FECH: variants seen among roughly 807,000 people sequenced by gnomAD.
FECH encodes ferrochelatase, also known as ferrochelatase, mitochondrial.
In FECH, 40 loss-of-function variants were observed where a neutral mutation model predicts 56.9. That is an observed-to-expected ratio of 0.70 (90% CI 0.55 to 0.92). The LOEUF (loss-of-function observed/expected upper bound fraction) is 0.92, where lower values mean the gene tolerates loss of function less well. Among genes scored for constraint, FECH ranks in the 40% least tolerant of loss-of-function variants. The pLI, the probability that FECH is intolerant of heterozygous loss-of-function variation, is 0.00. For synonymous variants in FECH, 175 were observed against 198.6 expected (o/e 0.88, Z 1.00); for missense variants, 431 against 529.1 (o/e 0.81, Z 1.82).
intron 3 of FECH, among the ~76,000 whole-genome samples, chr18:57,571,970 G>A (rs2051117038): frequency 6.6e-6 from 1 of 152,216 alleles, no homozygotes; most frequent in South Asian, 2.1e-4. Context: ...GAGCAAAGAT[G>A]TATGCACAAG....
chr18:57,563,591 A>C (rs1248599540), intron 5 of FECH, among the ~76,000 whole-genome samples: 7 of 150,720 alleles, frequency 4.6e-5, no homozygotes, highest in African/African-American at 1.7e-4. Context: ...AAAAAAAAAA[A>C]AAAAAAAAAA....
chr18:57,574,756 T>C (rs2051160513), intron 2 of FECH, among the ~76,000 whole-genome samples: 1 of 152,250 alleles, frequency 6.6e-6, no homozygotes, highest in African/African-American at 2.4e-5. Flanking sequence ...AGCCATGGGA[T>C]GGCAATAACT....
chr18:57,576,580 G>GT (rs764248198), intron 2 of FECH, among the ~76,000 whole-genome samples: 5 of 152,140 alleles, frequency 3.3e-5, no homozygotes, highest in African/African-American at 4.8e-5. Flanking sequence ...GCCACAGACG[G>GT]TATCAGTGTG....
intron 6 of FECH, 53 bp downstream of exon 6, chr18:57,562,821 G>A: frequency 7.1e-7 from 1 of 1,403,422 alleles, no homozygotes; most frequent in Non-Finnish European, 1.0e-6. Flanking sequence ...GGGATGAGAA[G>A]CTGATTCACA....
At chr18:57,559,988 G>T (rs1465099796) in intron 6 of FECH, among the ~76,000 whole-genome samples, 1 of 152,140 alleles carries the variant, frequency 6.6e-6, no homozygotes, top group African/African-American at 2.4e-5. Flanking sequence ...TGAAATACCA[G>T]AACTGAAGGG....
At position 57,580,068 on chromosome 18, in the gene FECH, C is replaced by T; in HGVS notation, c.194+5G>A. 1 of 1,614,006 alleles carries T rather than the reference C, an allele frequency of 6.2e-7. No homozygotes were observed. Among genetic ancestry groups the T allele is most frequent in the Non-Finnish European group, 8.5e-7 (1 of 1,180,022 alleles). On this transcript the variant is annotated splice_donor_5th_base_variant and intron_variant, in intron 2 of 10. Transcript: ENST00000262093. ...TCTTATTTGTACCTGATGTTAGACT[C>T]ATACCTCTTCTGCGGTTGAACTTGA...
chr18:57,580,830 C>T (rs1465031561), intron 1 of FECH, among the ~76,000 whole-genome samples: 1 of 151,892 alleles, frequency 6.6e-6, no homozygotes, highest in African/African-American at 2.4e-5. Flanking sequence ...AGGCTCCCAG[C>T]GCCCCAGGAT....
In FECH at chr18:57,545,670, C is replaced by T. The variant is rs2050711929; in HGVS notation, c.*5042G>A. ...AGCATCAATTTACTTCTCTGAAGCACCTGCAGGTACCCACCACTTGGCTGA... is the reference window on the plus strand; with the variant it reads ...AGCATCAATTTACTTCTCTGAAGCATCTGCAGGTACCCACCACTTGGCTGA... On this transcript the variant is annotated 3_prime_UTR_variant, in exon 11 of 11. Coordinates refer to ENST00000262093, the MANE Select transcript of FECH (RefSeq NM_000140.5). Among the ~76,000 whole-genome samples, 1 of 152,282 alleles carries T rather than the reference C, an allele frequency of 6.6e-6. No homozygotes were observed. Among genetic ancestry groups the T allele is most frequent in the Admixed American group, 6.5e-5 (1 of 15,302 alleles).
intron 1 of FECH, among the ~76,000 whole-genome samples, chr18:57,581,471 T>A (rs952783976): frequency 6.6e-6 from 1 of 152,208 alleles, no homozygotes; most frequent in Non-Finnish European, 1.5e-5. Context: ...GCACATGACC[T>A]CTTCCCCATT....
intron 9 of FECH, among the ~76,000 whole-genome samples, chr18:57,552,065 G>A (rs573521278): frequency 6.6e-6 from 1 of 151,820 alleles, no homozygotes; most frequent in Admixed American, 6.6e-5. Flanking sequence ...TGTATTTTTG[G>A]TAGTGGCAAG....
At chr18:57,551,756 G>A (rs145124124) in intron 9 of FECH, among the ~76,000 whole-genome samples, 21 of 152,186 alleles carry the variant, frequency 1.4e-4, no homozygotes, top group African/African-American at 5.1e-4. Context: ...GAATGTTACT[G>A]TAAATATAGT....
chr18:57,586,237 C>G (rs1340663910), intron 1 of FECH, among the ~76,000 whole-genome samples: 1 of 152,218 alleles, frequency 6.6e-6, no homozygotes, highest in Non-Finnish European at 1.5e-5. Context: ...GCGTAATCTT[C>G]TCAACAGCCT....
intron 10 of FECH, 112 bp downstream of exon 10, chr18:57,551,203 A>C (rs758234794): frequency 2.5e-5 from 20 of 810,642 alleles, no homozygotes; most frequent in Non-Finnish European, 3.9e-5. Context: ...TTTTGTAATT[A>C]ATTGGAACTC....
At position 57,550,866 on chromosome 18, in the gene FECH, C is replaced by A. The variant is rs1441124144; in HGVS notation, c.1138-20G>T. On this transcript the variant is annotated intron_variant, in intron 10 of 10. Coordinates refer to ENST00000262093, the MANE Select transcript of FECH (RefSeq NM_000140.5). ...CAGGGCCTGGAAGATAGACAAGAGG[C>A]AAAGACGCATGAGAAGCACAGGGTC... is the stretch of plus-strand genomic sequence containing the variant. 4 of 1,612,808 alleles carry A rather than the reference C, an allele frequency of 2.5e-6. No individual in the cohort carries two copies. Among genetic ancestry groups the A allele is most frequent in the Non-Finnish European group, 3.4e-6 (4 of 1,180,004 alleles).
chr18:57,576,893 A>G (rs1002216487), intron 2 of FECH, among the ~76,000 whole-genome samples: 1 of 152,228 alleles, frequency 6.6e-6, no homozygotes, highest in African/African-American at 2.4e-5. Context: ...CACACCTGAG[A>G]CCAAGGTCTG....
chr18:57,554,302 C>G lies in FECH; in HGVS notation c.1035G>C (p.Leu345=), dbSNP rs768589243. The part of the protein sequence containing the change: ...IAFTSDHIET[L]YELDIEYSQV... ...GAGAGTACTCGATGTCCAGCTCATA[C>G]AGCGTTTCAATATGGTCACTGGTAA... The change falls in exon 9 of 11, where the codon CTG becomes CTC. Residue 345 remains leucine, a synonymous_variant. Transcript: ENST00000262093. 1.2e-5 allele frequency: 20 copies of G among 1,614,228 alleles called. No homozygotes were observed. The highest frequency in any genetic ancestry group is 1.6e-5 in the Non-Finnish European group (19 of 1,180,036).
At chr18:57,554,572 T>C (rs1598981430) in intron 8 of FECH, 148 bp from the exon 9 acceptor site, 1 of 896,382 alleles carries the variant, frequency 1.1e-6, no homozygotes, top group Non-Finnish European at 1.8e-6. Context: ...TATTTTCACA[T>C]GGAAACTTGA....
At chr18:57,573,198 G>A in intron 3 of FECH, 48 bp downstream of exon 3, 1 of 1,578,362 alleles carries the variant, frequency 6.3e-7, no homozygotes, top group South Asian at 1.1e-5. Context: ...AGAGACACAT[G>A]TCAATGTAGT....
chr18:57,565,572 GAAAA>G (rs57189114), intron 5 of FECH, among the ~76,000 whole-genome samples: 44 of 132,482 alleles, frequency 3.3e-4, no homozygotes, highest in African/African-American at 1.2e-3. Flanking sequence ...TACCATCTCA[GAAAA>G]AAAAAAAAAA....
Sources: allele counts gnomAD v4.1 joint callset (sites outside exome capture counted in the v4.1 genomes callset), GRCh38; gene constraint gnomAD v4.1.1; transcripts MANE v1.5; gene names NCBI Gene and HGNC (gene_info 2026-07-23, HGNC 2026-07-21).